The following CUL1 variants were observed in gnomAD, a reference collection of about 807,000 sequenced individuals.
The protein encoded by CUL1 is cullin 1, also known as cullin-1.
In CUL1, 24 loss-of-function variants were observed where a neutral mutation model predicts 118.0. That is an observed-to-expected ratio of 0.20 (90% CI 0.15 to 0.29). The LOEUF (loss-of-function observed/expected upper bound fraction) is 0.29, where lower values mean the gene tolerates loss of function less well. CUL1 is among the 10% of genes least tolerant of loss of function. The pLI is 1.00. For missense variants in CUL1, 361 were observed against 933.8 expected (o/e 0.39, Z 7.99); for synonymous variants, 332 against 340.4 (o/e 0.98, Z 0.27).
rs1800897718 is a variant in CUL1, at chr7:148,788,621, A to G, written c.1544A>G (p.Lys515Arg). Residue 515 changes from lysine (K) to arginine (R), a missense_variant, in exon 14 of 22, where the codon AAA (lysine) becomes AGA (arginine). Physicochemically the swap from Lys to Arg is conservative, Grantham distance 26. Coordinates refer to ENST00000325222, the MANE Select transcript of CUL1 (RefSeq NM_003592.3). ...QRMFQDIGVS[K>R]DLNEQFKKHL... ...ATGTTTCAAGACATTGGCGTGAGCA[A>G]AGATCTGAACGAGCAATTCAAAAAG... 6.2e-7 allele frequency: 1 copy of G among 1,614,238 alleles called. No homozygotes were observed. The highest frequency in any genetic ancestry group is 8.5e-7 in the Non-Finnish European group (1 of 1,180,046).
intron 2 of CUL1, among the ~76,000 whole-genome samples, chr7:148,739,974 C>A (rs1799087830): frequency 6.6e-6 from 1 of 151,960 alleles, no homozygotes; most frequent in South Asian, 2.1e-4. Context: ...TTGAAAAAAA[C>A]TTTTCCTCAA....
intron 1 of CUL1, among the ~76,000 whole-genome samples, chr7:148,712,571 A>G (rs1798084987): frequency 6.6e-6 from 1 of 152,226 alleles, no homozygotes; most frequent in Non-Finnish European, 1.5e-5. Context: ...TTTAAATACT[A>G]TCTTAGGAAT....
At chr7:148,767,503 C>T in intron 8 of CUL1, 116 bp from the exon 9 acceptor site, 1 of 915,618 alleles carries the variant, frequency 1.1e-6, no homozygotes, top group Non-Finnish European at 1.7e-6. Flanking sequence ...TTATTAAAGT[C>T]TAAAAACATG....
At chr7:148,795,112 C>T (rs945555171) in intron 17 of CUL1, among the ~76,000 whole-genome samples, 1 of 151,588 alleles carries the variant, frequency 6.6e-6, no homozygotes, top group Non-Finnish European at 1.5e-5. Context: ...GGATTATAGG[C>T]GTGAGCCACC....
chr7:148,796,756 T>G (rs1025520337), intron 17 of CUL1, among the ~76,000 whole-genome samples: 1 of 152,002 alleles, frequency 6.6e-6, no homozygotes, highest in Non-Finnish European at 1.5e-5. Context: ...GCCGCTGCTC[T>G]CTCCTTTCTG....
At chr7:148,750,364 T>C (rs1316733581) in intron 2 of CUL1, among the ~76,000 whole-genome samples, 1 of 151,292 alleles carries the variant, frequency 6.6e-6, no homozygotes, top group Non-Finnish European at 1.5e-5. Context: ...GTTTGTTACA[T>C]AGGTATACAT....
chr7:148,728,791 A>G (rs1359025537), intron 1 of CUL1, among the ~76,000 whole-genome samples: 2 of 152,236 alleles, frequency 1.3e-5, no homozygotes, highest in African/African-American at 4.8e-5. Flanking sequence ...CTCCTTAAGC[A>G]TGACCTCACA....
At chr7:148,762,840 A>G in intron 7 of CUL1, among the ~76,000 whole-genome samples, 1 of 152,214 alleles carries the variant, frequency 6.6e-6, no homozygotes, top group East Asian at 1.9e-4. Flanking sequence ...CAGAACAGGT[A>G]AATCTGTTTT....
chr7:148,763,791 G>T (rs1799916453), intron 7 of CUL1, among the ~76,000 whole-genome samples: 1 of 152,154 alleles, frequency 6.6e-6, no homozygotes, highest in Non-Finnish European at 1.5e-5. Flanking sequence ...GGGAGCAATT[G>T]TGTTTACATT....
intron 9 of CUL1, among the ~76,000 whole-genome samples, chr7:148,778,250 G>A (rs1227786988): frequency 1.3e-5 from 2 of 151,928 alleles, no homozygotes; most frequent in Admixed American, 6.6e-5. Context: ...GGCCTATTAA[G>A]AAAATGCAAG....
At chr7:148,749,142 C>T (rs1017095831) in intron 2 of CUL1, among the ~76,000 whole-genome samples, 4 of 152,146 alleles carry the variant, frequency 2.6e-5, no homozygotes, top group Admixed American at 6.5e-5. Context: ...GTAGTCTGGG[C>T]GTGGTGGCTC....
At chr7:148,742,597 G>GTTTTTTTT (rs1491215871) in intron 2 of CUL1, among the ~76,000 whole-genome samples, 1 of 100,702 alleles carries the variant, frequency 9.9e-6, no homozygotes, top group Admixed American at 9.8e-5. Context: ...TACCTTTTCT[G>GTTTTTTTT]GTTTTTTTTT....
intron 9 of CUL1, among the ~76,000 whole-genome samples, chr7:148,770,054 G>A (rs1800157251): frequency 6.6e-6 from 1 of 152,124 alleles, no homozygotes; most frequent in African/African-American, 2.4e-5. Flanking sequence ...GATATTTTAG[G>A]CACTGAATAA....
intron 1 of CUL1, among the ~76,000 whole-genome samples, chr7:148,723,105 C>A (rs992658235): frequency 6.6e-6 from 1 of 152,248 alleles, no homozygotes; most frequent in African/African-American, 2.4e-5. Flanking sequence ...AAAGAACTTA[C>A]AAGGTCACAC....
intron 2 of CUL1, among the ~76,000 whole-genome samples, chr7:148,731,525 A>G (rs940126816): frequency 6.6e-6 from 1 of 152,226 alleles, no homozygotes; most frequent in African/African-American, 2.4e-5. Context: ...TAATAGCTTT[A>G]TTGAGATGTA....
At chr7:148,772,365 A>G (rs1800240889) in intron 9 of CUL1, among the ~76,000 whole-genome samples, 1 of 151,930 alleles carries the variant, frequency 6.6e-6, no homozygotes, top group Non-Finnish European at 1.5e-5. Context: ...CAGTGAGCCA[A>G]GATTGCACTG....
intron 9 of CUL1, among the ~76,000 whole-genome samples, chr7:148,777,928 T>C (rs748167204): frequency 5.3e-5 from 8 of 151,328 alleles, no homozygotes; most frequent in Non-Finnish European, 1.2e-4. Context: ...CTGGGTGTCA[T>C]GGCATGCACC....
intron 2 of CUL1, among the ~76,000 whole-genome samples, chr7:148,734,698 A>G (rs939456123): frequency 2.0e-5 from 3 of 152,182 alleles, no homozygotes; most frequent in Non-Finnish European, 4.4e-5. Context: ...TTAGGTTGGA[A>G]CACAAACATG....
intron 9 of CUL1, among the ~76,000 whole-genome samples, chr7:148,772,719 C>T (rs957227168): frequency 2.0e-5 from 3 of 152,214 alleles, no homozygotes; most frequent in African/African-American, 7.2e-5. Flanking sequence ...TTGAAACTCA[C>T]CTCTTCTCCA....
Sources: allele counts gnomAD v4.1 joint callset (sites outside exome capture counted in the v4.1 genomes callset), GRCh38; gene constraint gnomAD v4.1.1; transcripts MANE v1.5; gene names NCBI Gene and HGNC (gene_info 2026-07-23, HGNC 2026-07-21).